RPS6KA2: variants seen among roughly 807,000 people sequenced by gnomAD.
RPS6KA2 encodes ribosomal protein S6 kinase A2, also known as ribosomal protein S6 kinase alpha-2.
RPS6KA2 carries 42 observed loss-of-function variants against 91.8 expected under a neutral mutation model. That is an observed-to-expected ratio of 0.46 (90% CI 0.36 to 0.59). RPS6KA2 has a LOEUF of 0.59. Ranked by LOEUF, RPS6KA2 falls within the 20% of genes least tolerant of loss-of-function variation. The pLI is 0.00. For missense variants in RPS6KA2, 798 were observed against 978.5 expected, an observed-to-expected ratio of 0.82 and a Z score of 2.46; for synonymous variants, 414 against 393.6, an observed-to-expected ratio of 1.05 and a Z score of -0.61.
At chr6:166,547,182 G>A (rs988927790) in intron 1 of RPS6KA2, among the ~76,000 whole-genome samples, 8 of 152,190 alleles carry the variant, frequency 5.3e-5, no homozygotes, top group African/African-American at 1.7e-4. Flanking sequence ...GGGTAAGAGA[G>A]GCCGGTGACG....
chr6:166,483,329 C>G (rs1026759602), intron 10 of RPS6KA2, among the ~76,000 whole-genome samples: 9 of 152,188 alleles, frequency 5.9e-5, no homozygotes, highest in Non-Finnish European at 1.0e-4. Context: ...TCCGGACAAC[C>G]CCCATGCCAC....
chr6:166,770,779 G>T lies in RPS6KA2; in HGVS notation c.123+87421C>A. 2 of 1,344,826 alleles carry T rather than the reference G, an allele frequency of 1.5e-6. No individual in the cohort carries two copies. Among genetic ancestry groups the T allele is most frequent in the Non-Finnish European group, 2.0e-6 (2 of 979,334 alleles). The allele number at this position is 1,344,826 out of a possible 1,614,324, so 83.3% of individuals were successfully genotyped here. ...GCACCGTGAAACAACTCAATAAATT[G>T]AAAAAGACTTCATGTTTAACTTAAA... On this transcript the variant is annotated intron_variant, in intron 2 of 21. Coordinates refer to the RPS6KA2 transcript ENST00000503859. This position sits in a 1 kb window ranked among gnomAD's most constrained non-coding sequence, Gnocchi z 5.1.
chr6:166,654,540 C>T (rs1430762401), intron 2 of RPS6KA2, among the ~76,000 whole-genome samples: 2 of 152,198 alleles, frequency 1.3e-5, no homozygotes, highest in Non-Finnish European at 2.9e-5. Context: ...TACACAATGT[C>T]CCCAGTTTCC....
In RPS6KA2 at chr6:166,445,256, C is replaced by T. The variant is rs952399049; in HGVS notation, c.1332+3468G>A. Among the ~76,000 whole-genome samples, 13 of 152,070 alleles carry T rather than the reference C, an allele frequency of 8.5e-5. No homozygotes were observed. Among genetic ancestry groups the T allele is most frequent in the South Asian group, 8.3e-4 (4 of 4,808 alleles). On this transcript the variant is annotated intron_variant, in intron 14 of 20. Coordinates refer to ENST00000265678, the MANE Select transcript of RPS6KA2 (RefSeq NM_021135.6). The surrounding 1 kb of genome is among the most constrained non-coding windows in gnomAD (Gnocchi z 4.5). ...TGGGGGTGGGGGGCTGCCCGCAGCACGTGGGGAACACTGAGCTGTTGGTCG... is the reference window on the plus strand; with the variant it reads ...TGGGGGTGGGGGGCTGCCCGCAGCATGTGGGGAACACTGAGCTGTTGGTCG...
chr6:166,588,720 CT>C (rs1283354244), intron 1 of RPS6KA2, among the ~76,000 whole-genome samples: 3 of 152,222 alleles, frequency 2.0e-5, no homozygotes, highest in Non-Finnish European at 4.4e-5. Flanking sequence ...TAACCTGGGG[CT>C]GCTACTCTGC....
Position 166,756,991 on chromosome 6 carries a change from A to G in RPS6KA2, c.123+101209T>C, listed in dbSNP as rs111455988. ...AGATGGCGGTGGTGGTGGCTGCCCA[A>G]TGTGAATATACTTAATGCCGCTGAA... is the stretch of plus-strand genomic sequence containing the variant. On this transcript the variant is annotated intron_variant, in intron 2 of 21. Transcript: ENST00000503859. 9.2e-5 allele frequency among the ~76,000 whole-genome samples: 14 copies of G among 152,286 alleles called. 1 individual carries two copies. The highest frequency in any genetic ancestry group is 2.9e-4 in the African/African-American group (12 of 41,566).
intron 1 of RPS6KA2, among the ~76,000 whole-genome samples, chr6:166,551,521 T>C (rs1367883178): frequency 2.6e-5 from 4 of 152,202 alleles, no homozygotes; most frequent in African/African-American, 9.7e-5. Context: ...GTTTCAATGA[T>C]GTCAGAGGTA....
chr6:166,543,604 C>G (rs1468241079), intron 1 of RPS6KA2, among the ~76,000 whole-genome samples: 2 of 152,188 alleles, frequency 1.3e-5, no homozygotes, highest in Non-Finnish European at 2.9e-5. Flanking sequence ...CCACCTCCCC[C>G]TCTTTCTGTG....
chr6:166,442,675 G>A (rs996480890), intron 14 of RPS6KA2, among the ~76,000 whole-genome samples: 1 of 152,126 alleles, frequency 6.6e-6, no homozygotes, highest in African/African-American at 2.4e-5. Flanking sequence ...TACTGACGTT[G>A]GTGTTTTGCA....
At chr6:166,498,778 T>C in intron 7 of RPS6KA2, 128 bp from the exon 8 acceptor site, 1 of 1,237,778 alleles carries the variant, frequency 8.1e-7, no homozygotes, top group Non-Finnish European at 1.1e-6. Context: ...AGAGCCCTGC[T>C]CAGCAAAAGC....
At chr6:166,567,091 T>C (rs1434954074) in intron 1 of RPS6KA2, among the ~76,000 whole-genome samples, 1 of 152,250 alleles carries the variant, frequency 6.6e-6, no homozygotes, top group Non-Finnish European at 1.5e-5. Flanking sequence ...GATGAGCCAC[T>C]GAGGTAACCC....
intron 1 of RPS6KA2, among the ~76,000 whole-genome samples, chr6:166,549,082 T>C (rs575165820): frequency 8.7e-4 from 132 of 152,326 alleles, no homozygotes; most frequent in African/African-American, 2.9e-3. Flanking sequence ...ATATACTCAA[T>C]ATCATTAGTC....
chr6:166,749,985 C>T (rs1027312688), intron 2 of RPS6KA2, among the ~76,000 whole-genome samples: 5 of 151,914 alleles, frequency 3.3e-5, no homozygotes, highest in African/African-American at 9.7e-5. Flanking sequence ...CAGTCAGCAT[C>T]GGAAGCAGAG....
chr6:166,702,748 C>T (rs749147632), intron 2 of RPS6KA2: 75 of 1,236,940 alleles, frequency 6.1e-5, no homozygotes, highest in Non-Finnish European at 8.4e-5. Context: ...CAGGAAGGGT[C>T]CCGACACGGG....
At position 166,495,712 on chromosome 6, in the gene RPS6KA2, G is replaced by A. The variant is rs1275403125; in HGVS notation, c.747+2796C>T. 6.6e-6 allele frequency among the ~76,000 whole-genome samples: 1 copy of A among 152,220 alleles called. No individual in the cohort carries two copies. The highest frequency in any genetic ancestry group is 1.5e-5 in the Non-Finnish European group (1 of 68,048). Reference sequence around the variant, plus strand: ...GTGTTTAAGAAACTCCACGTGCCAGGAGACACTCACAGAGACAGACAACGA... The same window carrying A: ...GTGTTTAAGAAACTCCACGTGCCAGAAGACACTCACAGAGACAGACAACGA... On this transcript the variant is annotated intron_variant, in intron 8 of 20. Transcript: ENST00000265678. The surrounding 1 kb of genome is among the most constrained non-coding windows in gnomAD (Gnocchi z 4.4).
chr6:166,548,616 C>T (rs761993791), intron 1 of RPS6KA2, among the ~76,000 whole-genome samples: 6 of 152,200 alleles, frequency 3.9e-5, no homozygotes, highest in Non-Finnish European at 5.9e-5. Context: ...GATGCTGGAG[C>T]ACTGGACTTT....
At chr6:166,450,005 GGATGTCACCTA>G (rs1779822554) in intron 13 of RPS6KA2, among the ~76,000 whole-genome samples, 181 of 147,534 alleles carry the variant, frequency 1.2e-3, no homozygotes, top group Middle Eastern at 0.011. Flanking sequence ...GAACCACCAT[GGATGTCACCTA>G]AGGGACCACC....
intron 2 of RPS6KA2, among the ~76,000 whole-genome samples, chr6:166,633,032 T>C (rs531610782): frequency 1.3e-5 from 2 of 152,342 alleles, no homozygotes; most frequent in Admixed American, 6.5e-5. Context: ...TTGGGCAATA[T>C]GGCAAAACCC....
intron 1 of RPS6KA2, among the ~76,000 whole-genome samples, chr6:166,596,949 T>G (rs1298284820): frequency 2.0e-5 from 3 of 152,090 alleles, no homozygotes; most frequent in African/African-American, 7.2e-5. Flanking sequence ...TCGAGGGGAC[T>G]GTGGTGATTC....
Sources: gnomAD v4.1 joint callset for allele counts (sites outside exome capture counted in the v4.1 genomes callset) on GRCh38, gnomAD v4.1.1 for gene constraint, Gnocchi (gnomAD v3.1) non-coding constraint, MANE v1.5 for transcripts, NCBI Gene and HGNC (gene_info 2026-07-23, HGNC 2026-07-21) for gene names.